The following ERI3 variants were observed in gnomAD, a reference collection of about 807,000 sequenced individuals.
The protein encoded by ERI3 is ERI1 exoribonuclease 3.
ERI3 carries 18 observed loss-of-function variants against 44.4 expected under a neutral mutation model. The ratio of observed to expected loss-of-function variants is 0.41; its 90% CI spans 0.28 to 0.60. The LOEUF (loss-of-function observed/expected upper bound fraction) is 0.60. ERI3 is among the 20% of genes least tolerant of loss of function. The probability of loss-of-function intolerance (pLI) is 0.36; values close to 1 mark genes in which losing one functional copy is unlikely to be tolerated. For missense variants in ERI3, 294 were observed against 435.5 expected (o/e 0.68, Z 2.89); for synonymous variants, 183 against 164.8 (o/e 1.11, Z -0.84).
intron 7 of ERI3, among the ~76,000 whole-genome samples, chr1:44,260,807 C>A (rs193265419): frequency 7.9e-4 from 119 of 151,038 alleles, no homozygotes; most frequent in African/African-American, 2.8e-3. Flanking sequence ...TATTTCCCCA[C>A]CTGGAACGCT....
At chr1:44,322,191 A>G (rs1646216945) in intron 3 of ERI3, among the ~76,000 whole-genome samples, 1 of 152,170 alleles carries the variant, frequency 6.6e-6, no homozygotes, top group African/African-American at 2.4e-5. Context: ...CCAAGTCAAC[A>G]TCCCCAGCAG....
chr1:44,296,892 G>A (rs971494302), intron 6 of ERI3, among the ~76,000 whole-genome samples: 5 of 152,208 alleles, frequency 3.3e-5, no homozygotes, highest in African/African-American at 4.8e-5. Context: ...AGAAGAGAGT[G>A]TTTGAGTGCA....
chr1:44,346,476 CT>C (rs1424830455), intron 2 of ERI3, among the ~76,000 whole-genome samples: 1 of 152,224 alleles, frequency 6.6e-6, no homozygotes, highest in Non-Finnish European at 1.5e-5. Context: ...TTGAAGACAT[CT>C]TTTTGCAAAG....
chr1:44,313,211 T>C lies in ERI3; in HGVS notation c.624A>G (p.Gln208=), dbSNP rs768296375. The C allele has an allele frequency of 2.5e-6, 4 of 1,614,012 alleles. No homozygotes were observed. The Admixed American group carries it at 5.0e-5, about 20-fold the overall frequency. The change falls in exon 5 of 9, where the codon CAA becomes CAG. Residue 208 remains glutamine (Q), a synonymous_variant. Transcript: ENST00000372257. The part of the protein sequence containing the change: ...PFCTELTGII[Q]AMVDGQPSLQ... The stretch of plus-strand genomic sequence containing the variant: ...GGCTTGGCTGACCATCCACCATGGC[T>C]TGAATAATCCCGGTGAGCTGAAAGG...
At chr1:44,339,011 C>G (rs370824460) in intron 3 of ERI3, 34 bp downstream of exon 3, 155 of 1,601,034 alleles carry the variant, frequency 9.7e-5, no homozygotes, top group South Asian at 1.2e-4. Context: ...CCTTGCCCCC[C>G]CCACCTTTTC....
intron 8 of ERI3, chr1:44,243,296 C>A (rs1437814052): frequency 6.6e-6 from 1 of 152,300 alleles, no homozygotes; most frequent in African/African-American, 2.4e-5. Flanking sequence ...CTAGGCAGGA[C>A]CACCCAGCCG....
rs375960807 is a variant in ERI3, at chr1:44,313,150, T to C, written c.666+19A>G. ...CAGGAAGGGGTCAGAGGTCAGGAAT[T>C]AAAGGTCACTCAACCTACCTCCAGC... On this transcript the variant is annotated intron_variant, in intron 5 of 8. Transcript: ENST00000372257. The C allele has an allele frequency of 3.7e-6, 6 of 1,613,062 alleles. No individual in the cohort carries two copies. Among genetic ancestry groups the C allele is most frequent in the Non-Finnish European group, 5.1e-6 (6 of 1,179,216 alleles).
In ERI3 at chr1:44,355,215, G is replaced by T; in HGVS notation, c.-189C>A. ...CCCCACCGCCCGTTCCCGGCCGCCT[G>T]AACAGCGGCAGCCAGCACCACGAGT... On this transcript the variant is annotated 5_prime_UTR_variant, in exon 1 of 9. Coordinates refer to ENST00000372257, the MANE Select transcript of ERI3 (RefSeq NM_024066.3). 7.6e-6 allele frequency: 9 copies of T among 1,190,692 alleles called. No individual in the cohort carries two copies. The highest frequency in any genetic ancestry group is 9.4e-6 in the Non-Finnish European group (9 of 961,728). 73.8% of individuals were successfully genotyped at this position (1,190,692 alleles called of 1,614,324 possible).
Position 44,304,357 on chromosome 1 carries a change from C to A in ERI3, c.758+3953G>T, listed in dbSNP as rs541767177. On this transcript the variant is annotated intron_variant, in intron 6 of 8. Coordinates refer to ENST00000372257, the MANE Select transcript of ERI3 (RefSeq NM_024066.3). ...CAGGATAGAGATCAAAGAAACACCACTATTTAAGAAACACCAACATGAAAA... is the reference window on the plus strand; with the variant it reads ...CAGGATAGAGATCAAAGAAACACCAATATTTAAGAAACACCAACATGAAAA... Among the ~76,000 whole-genome samples the A allele has an allele frequency of 3.9e-5, 6 of 152,156 alleles. No homozygotes were observed. In the East Asian group the frequency reaches 9.6e-4, roughly 24 times the overall value.
chr1:44,275,919 C>T (rs1416743539), intron 7 of ERI3, among the ~76,000 whole-genome samples: 1 of 152,054 alleles, frequency 6.6e-6, no homozygotes, highest in Non-Finnish European at 1.5e-5. Flanking sequence ...TTTAAAAAAT[C>T]GTTTGTTTGG....
chr1:44,311,282 G>A lies in ERI3; in HGVS notation c.666+1887C>T, dbSNP rs189818406. 4.5e-3 allele frequency among the ~76,000 whole-genome samples: 689 copies of A among 152,224 alleles called. 3 individuals are homozygous for A. Among genetic ancestry groups the A allele is most frequent in the Non-Finnish European group, 6.4e-3 (435 of 68,006 alleles). ...ACTCAGTGGGGTCCCTGGAATCTTA[G>A]GACCCCGGCCATTCGCTTGCACAGC... On this transcript the variant is annotated intron_variant, in intron 5 of 8. Transcript: ENST00000372257.
chr1:44,326,432 T>C (rs1323674347), intron 3 of ERI3, among the ~76,000 whole-genome samples: 1 of 152,228 alleles, frequency 6.6e-6, no homozygotes, highest in Non-Finnish European at 1.5e-5. Flanking sequence ...AGACATTTTA[T>C]GCACAAGGAG....
At chr1:44,327,941 C>G (rs1354529363) in intron 3 of ERI3, among the ~76,000 whole-genome samples, 3 of 152,196 alleles carry the variant, frequency 2.0e-5, no homozygotes, top group Non-Finnish European at 4.4e-5. Flanking sequence ...CAGGACCAGG[C>G]CCACTCAGGC....
chr1:44,323,187 T>C (rs1054342537), intron 3 of ERI3: 3 of 232,822 alleles, frequency 1.3e-5, no homozygotes, highest in Non-Finnish European at 2.5e-5. Flanking sequence ...TGTATGCCAT[T>C]TGCATTCAAT....
intron 3 of ERI3, among the ~76,000 whole-genome samples, chr1:44,326,553 T>C (rs1292016803): frequency 2.0e-5 from 3 of 152,226 alleles, no homozygotes; most frequent in Non-Finnish European, 4.4e-5. Context: ...CAAATTCGAA[T>C]TGCCAAATAA....
chr1:44,223,642 C>T (rs1643959650), intron 8 of ERI3, among the ~76,000 whole-genome samples: 1 of 152,186 alleles, frequency 6.6e-6, no homozygotes, highest in African/African-American at 2.4e-5. Context: ...CATCTGGCTC[C>T]TCCCTCATTG....
intron 1 of ERI3, chr1:44,354,185 T>G (rs368652917): frequency 2.0e-6 from 2 of 985,324 alleles, no homozygotes; most frequent in East Asian, 2.3e-4. Context: ...TTTTAGCCAA[T>G]AGGATTCATG....
chr1:44,243,472 C>T (rs1334792964), intron 8 of ERI3: 1 of 152,178 alleles, frequency 6.6e-6, no homozygotes. Flanking sequence ...AACCCAAGTG[C>T]GTAGGGCCAG....
intron 4 of ERI3, among the ~76,000 whole-genome samples, chr1:44,314,681 G>A (rs1200355685): frequency 6.6e-6 from 1 of 152,192 alleles, no homozygotes; most frequent in Non-Finnish European, 1.5e-5. Flanking sequence ...GAGTGGGGAA[G>A]TGCCCTCAGT....
Sources: allele counts gnomAD v4.1 joint callset (sites outside exome capture counted in the v4.1 genomes callset), GRCh38; gene constraint gnomAD v4.1.1; transcripts MANE v1.5; gene names NCBI Gene and HGNC (gene_info 2026-07-23, HGNC 2026-07-21).